The following FAM168B variants were observed in gnomAD, a reference collection of about 807,000 sequenced individuals.
FAM168B encodes the protein myelin-associated neurite-outgrowth inhibitor.
In FAM168B, 19 loss-of-function variants were observed where a neutral mutation model predicts 21.8. That is an observed-to-expected ratio of 0.87 (90% CI 0.61 to 1.28). The LOEUF (loss-of-function observed/expected upper bound fraction) is 1.28, where lower values mean the gene tolerates loss of function less well. Among genes scored for constraint, FAM168B ranks in the 50% most tolerant of loss-of-function variants. The pLI is 0.00. For synonymous variants in FAM168B, 126 were observed against 104.8 expected (o/e 1.20, Z -1.24); for missense variants, 233 against 263.1 (o/e 0.89, Z 0.79).
intron 1 of FAM168B, among the ~76,000 whole-genome samples, chr2:131,090,023 C>G (rs1317866735): frequency 7.1e-6 from 1 of 141,840 alleles, no homozygotes; most frequent in Non-Finnish European, 1.5e-5. Flanking sequence ...CATGGACGCT[C>G]CATCTCAAAA....
chr2:131,080,355 A>G (rs1201655328), intron 2 of FAM168B, among the ~76,000 whole-genome samples: 3 of 151,228 alleles, frequency 2.0e-5, no homozygotes, highest in African/African-American at 7.3e-5. Flanking sequence ...GTAAGGCAAC[A>G]ACAGAAAAAG....
At chr2:131,078,757 G>A (rs1693290118) in intron 2 of FAM168B, among the ~76,000 whole-genome samples, 2 of 151,116 alleles carry the variant, frequency 1.3e-5, no homozygotes, top group Admixed American at 6.6e-5. Context: ...GGGAGGCTGA[G>A]GTGGGATGAG....
At position 131,082,565 on chromosome 2, in the gene FAM168B, T is replaced by C; in HGVS notation, c.70+12A>G. ...AAAGTTCAAAAATGAAAACAAAATT[T>C]TACTTACTTACCTGGATAACCAATT... On this transcript the variant is annotated intron_variant, in intron 2 of 6. Coordinates refer to ENST00000389915, the MANE Select transcript of FAM168B (RefSeq NM_001009993.4). 1.3e-6 allele frequency: 2 copies of C among 1,582,880 alleles called. No individual in the cohort carries two copies. Among genetic ancestry groups the C allele is most frequent in the Non-Finnish European group, 1.7e-6 (2 of 1,163,128 alleles).
intron 5 of FAM168B, among the ~76,000 whole-genome samples, chr2:131,054,925 G>A (rs1265664430): frequency 1.3e-5 from 2 of 152,104 alleles, no homozygotes; most frequent in African/African-American, 4.8e-5. Context: ...CTCCCCTCAA[G>A]GGAAAGGAAG....
In FAM168B at chr2:131,052,364, TAAG is replaced by T. The variant is rs1266001195; in HGVS notation, c.*98_*100del. The T allele has an allele frequency of 4.1e-6, 4 of 986,446 alleles. No individual in the cohort carries two copies. The highest frequency in any genetic ancestry group is 2.4e-6 in the Non-Finnish European group (2 of 830,328). The allele number at this position is 986,446 out of a possible 1,614,324, so 61.1% of individuals were successfully genotyped here. The stretch of plus-strand genomic sequence containing the variant: ...GTGTTTAGCTAAGTGTCGAGAGCAT[TAAG>T]AAGAAAGTCCTGGTTGGAGGCGCAA... On this transcript the variant is annotated 3_prime_UTR_variant, in exon 7 of 7. Coordinates refer to ENST00000389915, the MANE Select transcript of FAM168B (RefSeq NM_001009993.4).
chr2:131,063,018 AGGAT>A (rs1692382328), intron 3 of FAM168B, among the ~76,000 whole-genome samples: 3 of 152,252 alleles, frequency 2.0e-5, no homozygotes, highest in Admixed American at 2.0e-4. Flanking sequence ...GATGGACTGA[AGGAT>A]GGATGGAGTA....
rs538881114 is a variant in FAM168B, at chr2:131,066,626, A to G, written c.154+5229T>C. 2.6e-5 allele frequency among the ~76,000 whole-genome samples: 4 copies of G among 152,364 alleles called. No homozygotes were observed. The South Asian group carries it at 8.3e-4, about 32-fold the overall frequency. On this transcript the variant is annotated intron_variant, in intron 3 of 6. Coordinates refer to ENST00000389915, the MANE Select transcript of FAM168B (RefSeq NM_001009993.4). ...GGTACTTGTGACTCTAAGTAGGACC[A>G]GAACAGAGGCCTCAATGTGCTGGCC...
chr2:131,091,899 G>A lies in FAM168B; in HGVS notation c.-12+1315C>T, dbSNP rs559363982. 3.3e-5 allele frequency among the ~76,000 whole-genome samples: 5 copies of A among 151,588 alleles called. No individual in the cohort carries two copies. In the South Asian group the frequency reaches 6.2e-4, roughly 19 times the overall value. ...AATCCCAGCACTTTGGAAGGTCGAG[G>A]CGGGCGGATCACGAGGTCAGGAGAT... is the stretch of plus-strand genomic sequence containing the variant. On this transcript the variant is annotated intron_variant, in intron 1 of 6. Coordinates refer to ENST00000389915, the MANE Select transcript of FAM168B (RefSeq NM_001009993.4).
chr2:131,075,086 C>T lies in FAM168B; in HGVS notation c.71-3148G>A, dbSNP rs146918840. 1.3e-3 allele frequency among the ~76,000 whole-genome samples: 205 copies of T among 152,114 alleles called. 1 individual carries two copies. The highest frequency in any genetic ancestry group is 4.5e-3 in the African/African-American group (187 of 41,484). On this transcript the variant is annotated intron_variant, in intron 2 of 6. Transcript: ENST00000389915. ...TAGTCAGAGAACAGAGTGTGGTGGACGTCAAGGGCAGATTCAACTTCAAAG... is the reference window on the plus strand; with the variant it reads ...TAGTCAGAGAACAGAGTGTGGTGGATGTCAAGGGCAGATTCAACTTCAAAG...
At chr2:131,056,808 G>A (rs1692045917) in intron 3 of FAM168B, among the ~76,000 whole-genome samples, 1 of 152,132 alleles carries the variant, frequency 6.6e-6, no homozygotes, top group African/African-American at 2.4e-5. Flanking sequence ...CATGTCAAAG[G>A]AGCCAGATAC....
In FAM168B at chr2:131,051,963, G is replaced by T; in HGVS notation, c.*502C>A. On this transcript the variant is annotated 3_prime_UTR_variant, in exon 7 of 7. Coordinates refer to ENST00000389915, the MANE Select transcript of FAM168B (RefSeq NM_001009993.4). ...CTGGCAACCCACATCAACCCCAAAA[G>T]GTTGAAGAATCATCTAAGATATTTC... The T allele has an allele frequency of 5.1e-6, 5 of 985,504 alleles. No individual in the cohort carries two copies. The highest frequency in any genetic ancestry group is 6.0e-6 in the Non-Finnish European group (5 of 829,932). 61.0% of individuals were successfully genotyped at this position (985,504 alleles called of 1,614,324 possible). A position where few individuals can be genotyped will look rare whatever the true frequency, so the allele number is the denominator to read the frequency against.
chr2:131,085,596 T>C (rs887253869), intron 1 of FAM168B, among the ~76,000 whole-genome samples: 1 of 152,238 alleles, frequency 6.6e-6, no homozygotes, highest in Non-Finnish European at 1.5e-5. Context: ...CAAGCAATCC[T>C]GTAGTAAGAA....
At chr2:131,067,501 G>C (rs983394065) in intron 3 of FAM168B, among the ~76,000 whole-genome samples, 1 of 152,202 alleles carries the variant, frequency 6.6e-6, no homozygotes, top group Non-Finnish European at 1.5e-5. Context: ...AACACTTTGA[G>C]AGGTCAAGAT....
rs539346595 is a variant in FAM168B, at chr2:131,078,877, T to C, written c.70+3700A>G. Among the ~76,000 whole-genome samples, 32 of 152,038 alleles carry C rather than the reference T, an allele frequency of 2.1e-4. 1 individual carries two copies. The South Asian group carries it at 6.7e-3, about 32-fold the overall frequency. On this transcript the variant is annotated intron_variant, in intron 2 of 6. Transcript: ENST00000389915. ...AGCGCACACCTGTAGTCCCAGCTAC[T>C]TGGGAGGCTGAGGCAGGAGGATCCC...
At chr2:131,073,946 G>A (rs965993101) in intron 2 of FAM168B, among the ~76,000 whole-genome samples, 1 of 152,144 alleles carries the variant, frequency 6.6e-6, no homozygotes, top group Non-Finnish European at 1.5e-5. Flanking sequence ...TTCATAATAT[G>A]AACGAAACAG....
At position 131,054,811 on chromosome 2, in the gene FAM168B, G is replaced by C. The variant is rs141675418; in HGVS notation, c.475+461C>G. 5.6e-3 allele frequency among the ~76,000 whole-genome samples: 846 copies of C among 152,312 alleles called. 5 individuals carry two copies. Among genetic ancestry groups the C allele is most frequent in the African/African-American group, 0.019 (806 of 41,554 alleles). On this transcript the variant is annotated intron_variant, in intron 5 of 6. Transcript: ENST00000389915. ...GCAAAGTAAAGTACGGTAGATGAATGCCAAAGGATTTCTACAGGCAGCTGT... is the reference window on the plus strand; with the variant it reads ...GCAAAGTAAAGTACGGTAGATGAATCCCAAAGGATTTCTACAGGCAGCTGT...
At chr2:131,081,015 A>G (rs1401374534) in intron 2 of FAM168B, among the ~76,000 whole-genome samples, 1 of 152,156 alleles carries the variant, frequency 6.6e-6, no homozygotes, top group Admixed American at 6.5e-5. Flanking sequence ...CTTCTGGAGA[A>G]GAGCTCCAGA....
intron 1 of FAM168B, among the ~76,000 whole-genome samples, chr2:131,088,950 A>T (rs1693858234): frequency 6.6e-6 from 1 of 150,420 alleles, no homozygotes; most frequent in African/African-American, 2.5e-5. Flanking sequence ...CCAAGGCTGG[A>T]TCTAGAGCGT....
intron 3 of FAM168B, 106 bp from the exon 4 acceptor site, chr2:131,055,801 G>A (rs1360036315): frequency 6.6e-6 from 9 of 1,369,544 alleles, no homozygotes; most frequent in African/African-American, 2.9e-5. Flanking sequence ...CACGCAACTC[G>A]CCAGACCTGC....
Sources: gnomAD v4.1 joint callset for allele counts (sites outside exome capture counted in the v4.1 genomes callset) on GRCh38, gnomAD v4.1.1 for gene constraint, MANE v1.5 for transcripts, NCBI Gene and HGNC (gene_info 2026-07-23, HGNC 2026-07-21) for gene names.